SUPT3H: variants seen among roughly 807,000 people sequenced by gnomAD.
SUPT3H encodes transcription initiation protein SPT3 homolog.
In SUPT3H, 44 loss-of-function variants were observed where a neutral mutation model predicts 44.3. The ratio of observed to expected loss-of-function variants is 0.99; its 90% CI spans 0.78 to 1.28. The LOEUF (loss-of-function observed/expected upper bound fraction) is 1.28. Among genes scored for constraint, SUPT3H ranks in the 50% most tolerant of loss-of-function variants. SUPT3H has a pLI of 0.00. For synonymous variants in SUPT3H, 124 were observed against 125.6 expected (o/e 0.99, Z 0.09); for missense variants, 380 against 387.1 (o/e 0.98, Z 0.15).
intron 3 of SUPT3H, among the ~76,000 whole-genome samples, chr6:45,103,344 A>G (rs1194924397): frequency 2.0e-5 from 3 of 152,210 alleles, no homozygotes; most frequent in Admixed American, 1.3e-4. Context: ...ATTTCTCATT[A>G]TAAGTAAAGG....
intron 2 of SUPT3H, among the ~76,000 whole-genome samples, chr6:45,116,001 C>G (rs73737896): frequency 1.3e-5 from 2 of 152,094 alleles, no homozygotes; most frequent in Non-Finnish European, 2.9e-5. Flanking sequence ...CTCCAGAACA[C>G]GACCAATCCC....
intron 6 of SUPT3H, among the ~76,000 whole-genome samples, chr6:44,962,346 G>A (rs1345821338): frequency 6.6e-6 from 1 of 152,114 alleles, no homozygotes; most frequent in African/African-American, 2.4e-5. Context: ...CTGAGTCCAG[G>A]TATGATTCAT....
intron 10 of SUPT3H, among the ~76,000 whole-genome samples, chr6:44,832,155 CT>C (rs34702305): frequency 0.16 from 23,928 of 152,102 alleles, 2,282 homozygotes; most frequent in Admixed American, 0.28. Context: ...AACGTCCCAA[CT>C]TTGGCATGCT....
chr6:45,348,136 T>G (rs1187654371), intron 2 of SUPT3H, among the ~76,000 whole-genome samples: 3 of 151,712 alleles, frequency 2.0e-5, no homozygotes, highest in Non-Finnish European at 2.9e-5. Context: ...TCCATAGAAA[T>G]GAGAAAAAAG....
rs1177577653 is a variant in SUPT3H, at chr6:44,968,752, GCTGTC to G, written c.505-6929_505-6925del. ...TACATTGTAAGATTCACTGTAGTAG[GCTGTC>G]CTGTGTCCCCACATCACTTTCTTTT... On this transcript the variant is annotated intron_variant, in intron 6 of 10. Transcript: ENST00000371459. Among the ~76,000 whole-genome samples, 10 of 151,994 alleles carry G rather than the reference GCTGTC, an allele frequency of 6.6e-5. 1 individual carries two copies. The highest frequency in any genetic ancestry group is 6.6e-4 in the Admixed American group (10 of 15,258).
intron 2 of SUPT3H, among the ~76,000 whole-genome samples, chr6:45,256,254 C>A (rs1773383514): frequency 1.3e-5 from 2 of 152,166 alleles, no homozygotes; most frequent in African/African-American, 4.8e-5. Flanking sequence ...AGCAAAATGC[C>A]ATAGACAGTA....
intron 2 of SUPT3H, among the ~76,000 whole-genome samples, chr6:45,246,180 A>T (rs942213304): frequency 3.3e-5 from 5 of 152,096 alleles, no homozygotes; most frequent in African/African-American, 1.2e-4. Context: ...TTAACCCCTT[A>T]TCAGACATAT....
intron 4 of SUPT3H, among the ~76,000 whole-genome samples, chr6:45,017,100 A>G (rs2153515523): frequency 6.6e-6 from 1 of 152,152 alleles, no homozygotes; most frequent in African/African-American, 2.4e-5. Context: ...GCCAGTGATG[A>G]TGAACATTTT....
intron 3 of SUPT3H, 64 bp downstream of exon 3, chr6:45,105,858 G>T: frequency 7.9e-7 from 1 of 1,261,692 alleles, no homozygotes; most frequent in Non-Finnish European, 1.1e-6. Context: ...TTAAAGTGTT[G>T]GGTTACCATC....
At chr6:44,818,943 C>T (rs992123057) in intron 11 of SUPT3H, among the ~76,000 whole-genome samples, 1 of 152,150 alleles carries the variant, frequency 6.6e-6, no homozygotes, top group African/African-American at 2.4e-5. Flanking sequence ...ATTCACTTAC[C>T]ATGAGTCAGT....
chr6:45,255,582 C>T (rs1382748589), intron 2 of SUPT3H, among the ~76,000 whole-genome samples: 1 of 151,880 alleles, frequency 6.6e-6, no homozygotes, highest in Non-Finnish European at 1.5e-5. Context: ...TCACCATGCC[C>T]AGCAATGTTT....
At chr6:45,269,734 T>C (rs1034699357) in intron 2 of SUPT3H, among the ~76,000 whole-genome samples, 1 of 152,212 alleles carries the variant, frequency 6.6e-6, no homozygotes, top group Non-Finnish European at 1.5e-5. Context: ...GAGACAGATG[T>C]TTAAAGCGCA....
chr6:44,973,504 C>T (rs1777885040), intron 6 of SUPT3H, among the ~76,000 whole-genome samples: 1 of 152,182 alleles, frequency 6.6e-6, no homozygotes, highest in Non-Finnish European at 1.5e-5. Flanking sequence ...CTCCAAGTCT[C>T]TAGGAAGTTT....
At chr6:44,865,268 C>A (rs2153427318) in intron 10 of SUPT3H, among the ~76,000 whole-genome samples, 1 of 152,306 alleles carries the variant, frequency 6.6e-6, no homozygotes, top group Admixed American at 6.5e-5. Flanking sequence ...CTAGAGAGTT[C>A]CAAACTTTCC....
intron 6 of SUPT3H, among the ~76,000 whole-genome samples, chr6:44,969,696 A>G (rs1231827031): frequency 6.6e-6 from 1 of 152,340 alleles, no homozygotes; most frequent in African/African-American, 2.4e-5. Context: ...TGAAGTAGAA[A>G]CCAAAAGTTC....
chr6:45,159,511 C>CT (rs1808589279), intron 2 of SUPT3H: 1 of 152,138 alleles, frequency 6.6e-6, no homozygotes, highest in Admixed American at 6.6e-5. Context: ...CACCCAATAT[C>CT]TAAACATCAA....
At chr6:45,231,883 C>T (rs556678147) in intron 2 of SUPT3H, among the ~76,000 whole-genome samples, 25 of 151,976 alleles carry the variant, frequency 1.6e-4, no homozygotes, top group Non-Finnish European at 3.2e-4. Context: ...CTGAAGCTTT[C>T]GAGTGTATTT....
rs182607047 is a variant in SUPT3H at position 45,309,154 on chromosome 6, A to G, written c.101+56047T>C. Among the ~76,000 whole-genome samples the G allele has an allele frequency of 5.7e-3, 823 of 144,810 alleles. 12 individuals are homozygous for G. The highest frequency in any genetic ancestry group is 0.02 in the African/African-American group (792 of 39,636). ...ATGCCTTTTAAAAATAGATGTCTAA[A>G]TATTTAGGAAAAAAAAAAAAAAGAA... On this transcript the variant is annotated intron_variant, in intron 2 of 10. Transcript: ENST00000371459.
chr6:44,988,601 A>G (rs1233879860), intron 6 of SUPT3H, among the ~76,000 whole-genome samples: 1 of 150,296 alleles, frequency 6.7e-6, no homozygotes, highest in East Asian at 1.9e-4. Flanking sequence ...TAATATTTCT[A>G]TTGTTAAATA....
Sources: gnomAD v4.1 joint callset for allele counts (sites outside exome capture counted in the v4.1 genomes callset) on GRCh38, gnomAD v4.1.1 for gene constraint, MANE v1.5 for transcripts, NCBI Gene and HGNC (gene_info 2026-07-23, HGNC 2026-07-21) for gene names.